The following WDR25 variants were observed in gnomAD, a reference collection of about 807,000 sequenced individuals.
WDR25 encodes the protein WD repeat domain 25.
WDR25 carries 35 observed loss-of-function variants against 47.7 expected under a neutral mutation model. The ratio of observed to expected loss-of-function variants is 0.73; its 90% CI spans 0.56 to 0.97. The LOEUF is 0.97. Among genes scored for constraint, WDR25 ranks in the 50% least tolerant of loss-of-function variants. The pLI is 0.00. For missense variants in WDR25, 634 were observed against 704.7 expected, an observed-to-expected ratio of 0.90 and a Z score of 1.14; for synonymous variants, 248 against 278.9, an observed-to-expected ratio of 0.89 and a Z score of 1.10.
At chr14:100,494,054 T>C (rs961253938) in intron 4 of WDR25, among the ~76,000 whole-genome samples, 2 of 152,206 alleles carry the variant, frequency 1.3e-5, no homozygotes, top group Non-Finnish European at 2.9e-5. Context: ...AAAGCATTCT[T>C]CAATTTTTAT....
chr14:100,390,549 C>T (rs146135080), intron 2 of WDR25, among the ~76,000 whole-genome samples: 2 of 152,142 alleles, frequency 1.3e-5, no homozygotes, highest in Non-Finnish European at 2.9e-5. Flanking sequence ...TTATGTATTT[C>T]CTTGAGCCTG....
chr14:100,441,986 G>A (rs553034641), intron 2 of WDR25, among the ~76,000 whole-genome samples: 2 of 152,374 alleles, frequency 1.3e-5, no homozygotes, highest in Admixed American at 6.5e-5. Flanking sequence ...GAGAGAGGCA[G>A]AGAGAAGATC....
rs749147875 is a variant in WDR25, at chr14:100,381,472, AGC to A, written c.550_551del (p.Arg184AlafsTer11). On this transcript the variant is annotated frameshift_variant, in exon 2 of 7. Coordinates refer to ENST00000402312, the MANE Select transcript of WDR25 (RefSeq NM_001161476.3). LOFTEE classifies it high-confidence loss of function. ...CCCTATACTCCCAGAAGACTAAGAC[AGC>A]GGCAGGCATTAAGCACGGAGACAGG... The A allele has an allele frequency of 6.2e-7, 1 of 1,614,212 alleles. No individual in the cohort carries two copies. The highest frequency in any genetic ancestry group is 2.2e-5 in the East Asian group (1 of 44,880).
chr14:100,432,259 G>A (rs1007329773), intron 2 of WDR25, among the ~76,000 whole-genome samples: 2 of 152,204 alleles, frequency 1.3e-5, no homozygotes, highest in South Asian at 4.1e-4. Flanking sequence ...GAAAGGAAAG[G>A]AAGATATCTT....
intron 2 of WDR25, among the ~76,000 whole-genome samples, chr14:100,398,569 C>T (rs1003619447): frequency 3.3e-5 from 5 of 151,836 alleles, no homozygotes; most frequent in South Asian, 4.2e-4. Context: ...CCAACTTCTT[C>T]GAATGGTAAC....
intron 4 of WDR25, among the ~76,000 whole-genome samples, chr14:100,494,015 C>T (rs1020074511): frequency 3.9e-5 from 6 of 152,242 alleles, no homozygotes; most frequent in African/African-American, 1.4e-4. Flanking sequence ...ATTCTTTCCT[C>T]AGCTGTATCC....
rs1309931779 is a variant in WDR25, at chr14:100,404,477, T to C, written c.822+22731T>C. ...GGTTTTCACCTTGACCTTACCACCA[T>C]GGGAGGCAGAGCGCACACCCCTCTG... On this transcript the variant is annotated intron_variant, in intron 2 of 6. Coordinates refer to ENST00000402312, the MANE Select transcript of WDR25 (RefSeq NM_001161476.3). This position sits in a 1 kb window ranked among gnomAD's most constrained non-coding sequence, Gnocchi z 4.6. Among the ~76,000 whole-genome samples the C allele has an allele frequency of 6.6e-6, 1 of 152,234 alleles. No homozygotes were observed. Among genetic ancestry groups the C allele is most frequent in the Non-Finnish European group, 1.5e-5 (1 of 68,050 alleles).
rs1252519301 is a variant in WDR25 at position 100,488,582 on chromosome 14, A to G, written c.1101+4458A>G. Among the ~76,000 whole-genome samples, 2 of 152,142 alleles carry G rather than the reference A, an allele frequency of 1.3e-5. No homozygotes were observed. The highest frequency in any genetic ancestry group is 3.9e-4 in the East Asian group (2 of 5,166). On this transcript the variant is annotated intron_variant, in intron 4 of 6. Transcript: ENST00000402312. The surrounding 1 kb of genome is among the most constrained non-coding windows in gnomAD (Gnocchi z 4.2). ...CTCCAAAGTAGCGTTTCTCAAACTC[A>G]CCTGTGTAGGAGAGCACCTGGGCTC...
chr14:100,405,735 G>A (rs990144049), intron 2 of WDR25, among the ~76,000 whole-genome samples: 3 of 152,218 alleles, frequency 2.0e-5, no homozygotes, highest in Non-Finnish European at 4.4e-5. Flanking sequence ...TGTGTCAGTC[G>A]CCCTTCCTGG....
At chr14:100,417,857 CCT>C (rs1897912974) in intron 2 of WDR25, among the ~76,000 whole-genome samples, 1 of 152,134 alleles carries the variant, frequency 6.6e-6, no homozygotes, top group Admixed American at 6.5e-5. Context: ...TCATGCTGCC[CCT>C]GTTCCTCCTG....
intron 1 of WDR25, among the ~76,000 whole-genome samples, chr14:100,378,182 T>G (rs1447096388): frequency 2.6e-5 from 4 of 152,164 alleles, no homozygotes; most frequent in Non-Finnish European, 4.4e-5. Context: ...ATTTTTTTTT[T>G]TTTTGAGACG....
chr14:100,442,165 G>A (rs1258148533), intron 2 of WDR25, among the ~76,000 whole-genome samples: 1 of 152,228 alleles, frequency 6.6e-6, no homozygotes, highest in Admixed American at 6.5e-5. Flanking sequence ...TACAGGGAGA[G>A]TGTGCTTATC....
rs1479388000 is a variant in WDR25, at chr14:100,481,049, G to C, written c.971-2945G>C. On this transcript the variant is annotated intron_variant, in intron 3 of 6. Transcript: ENST00000402312. ...AGCTAAACCTGCTCCTGCAAAAGTG[G>C]AATTGAAGCTGAAAAAGGCAGCAGC... 1.5e-5 allele frequency: 6 copies of C among 410,306 alleles called. No individual in the cohort carries two copies. In the East Asian group the frequency reaches 4.8e-4, roughly 33 times the overall value. 25.4% of individuals were successfully genotyped at this position (410,306 alleles called of 1,614,324 possible).
intron 3 of WDR25, among the ~76,000 whole-genome samples, chr14:100,470,350 G>A (rs757198936): frequency 2.6e-5 from 4 of 152,172 alleles, no homozygotes; most frequent in African/African-American, 7.2e-5. Flanking sequence ...GTAGCACACC[G>A]CTCACAGAGT....
At chr14:100,383,163 T>C (rs1896943775) in intron 2 of WDR25, among the ~76,000 whole-genome samples, 2 of 152,228 alleles carry the variant, frequency 1.3e-5, no homozygotes, top group Non-Finnish European at 1.5e-5. Context: ...GTGGCTTGTC[T>C]GTGCTCTTTT....
intron 5 of WDR25, among the ~76,000 whole-genome samples, chr14:100,527,178 T>C (rs889370945): frequency 1.3e-5 from 2 of 150,402 alleles, no homozygotes; most frequent in African/African-American, 4.9e-5. Flanking sequence ...CCACACTATC[T>C]CTATCACCAC....
chr14:100,411,855 C>T (rs149231644), intron 2 of WDR25, among the ~76,000 whole-genome samples: 2,511 of 152,270 alleles, frequency 0.016, 185 homozygotes, highest in Admixed American at 0.13. Flanking sequence ...CTTTTTATCA[C>T]GGCAACTATT....
At chr14:100,482,526 T>C (rs545920345) in intron 3 of WDR25, among the ~76,000 whole-genome samples, 20 of 152,344 alleles carry the variant, frequency 1.3e-4, no homozygotes, top group Non-Finnish European at 2.2e-4. Context: ...CCTTAGGTTT[T>C]TCATGGATGG....
intron 2 of WDR25, among the ~76,000 whole-genome samples, chr14:100,463,210 G>C (rs111588888): frequency 6.7e-6 from 1 of 148,648 alleles, no homozygotes; most frequent in South Asian, 2.1e-4. Flanking sequence ...CCTCCTCTCC[G>C]TCTTGGTTAA....
Sources: gnomAD v4.1 joint callset for allele counts (sites outside exome capture counted in the v4.1 genomes callset) on GRCh38, gnomAD v4.1.1 for gene constraint, Gnocchi (gnomAD v3.1) non-coding constraint, MANE v1.5 for transcripts, NCBI Gene and HGNC (gene_info 2026-07-23, HGNC 2026-07-21) for gene names.